ISLR2: variants seen among roughly 807,000 people sequenced by gnomAD.
The protein encoded by ISLR2 is immunoglobulin superfamily containing leucine-rich repeat protein 2.
A neutral mutation model predicts 25.5 loss-of-function variants in ISLR2; 16 were observed. The observed-to-expected ratio is 0.63, with a 90% CI of 0.43 to 0.95. The LOEUF is 0.95. ISLR2 is among the 40% of genes least tolerant of loss of function. ISLR2 has a pLI of 0.00. For synonymous variants in ISLR2, 508 were observed against 486.6 expected (o/e 1.04, Z -0.58); for missense variants, 883 against 1,030.7 (o/e 0.86, Z 1.96).
At chr15:74,125,536 A>G (rs993766778), upstream of ISLR2, among the ~76,000 whole-genome samples, 2 of 152,214 alleles carry the variant, frequency 1.3e-5, no homozygotes, top group Admixed American at 6.5e-5. Flanking sequence ...CATCTTGCTC[A>G]GCCATGTTCC....
chr15:74,131,547 T>C lies in ISLR2; in HGVS notation c.-9+231T>C, dbSNP rs576261728. Among the ~76,000 whole-genome samples the C allele has an allele frequency of 2.0e-5, 3 of 152,320 alleles. No homozygotes were observed. The South Asian group carries it at 6.2e-4, about 32-fold the overall frequency. On this transcript the variant is annotated intron_variant, in intron 2 of 2. Transcript: ENST00000453268. ...GCGCTCCAAATGGGGGCAGGGAGTC[T>C]GTGCAAGTTCGTTTGTGTGACCGGG...
In ISLR2 at chr15:74,103,428, C is replaced by T. The variant is rs1595934967; in HGVS notation, n.160-418C>T. Among the ~76,000 whole-genome samples, 4 of 146,522 alleles carry T rather than the reference C, an allele frequency of 2.7e-5. No homozygotes were observed. In the East Asian group the frequency reaches 8.0e-4, roughly 29 times the overall value. ...CACCAGCCTAGCCAACATGTCGAAC[C>T]CCATGTGTACTAAAAACAAAATCAA... is the stretch of plus-strand genomic sequence containing the variant. On this transcript the variant is annotated intron_variant and non_coding_transcript_variant, in intron 1 of 3. Transcript: ENST00000561975.
rs2072448455 is a variant in ISLR2, at chr15:74,132,666, C to T, written c.-8-81C>T. 1.3e-6 allele frequency: 2 copies of T among 1,500,182 alleles called. No individual in the cohort carries two copies. The highest frequency in any genetic ancestry group is 1.3e-5 in the South Asian group (1 of 75,934). 92.9% of individuals were successfully genotyped at this position (1,500,182 alleles called of 1,614,324 possible). A position where few individuals can be genotyped will look rare whatever the true frequency, so the allele number is the denominator to read the frequency against. ...CTGGAACTAGTGCTAAACGGGCTTG[C>T]GGAGGCACAGCTTGATAGGGGAGGT... On this transcript the variant is annotated intron_variant, in intron 2 of 2. Coordinates refer to ENST00000453268, the MANE Select transcript of ISLR2 (RefSeq NM_020851.3). The surrounding 1 kb of genome is among the most constrained non-coding windows in gnomAD (Gnocchi z 4.3).
chr15:74,114,028 G>A (rs946820360), intron 2 of ISLR2, among the ~76,000 whole-genome samples: 12 of 152,168 alleles, frequency 7.9e-5, no homozygotes, highest in African/African-American at 2.9e-4. Flanking sequence ...CATTTTAGCA[G>A]CCCTGAGCAG....
chr15:74,137,977 C>T (rs1004447558), downstream of ISLR2, among the ~76,000 whole-genome samples: 4 of 151,920 alleles, frequency 2.6e-5, no homozygotes, highest in African/African-American at 9.7e-5. Flanking sequence ...TAAAATAGAT[C>T]AGTTTTATTC....
At position 74,132,621 on chromosome 15, in the gene ISLR2, T is replaced by G; in HGVS notation, c.-8-126T>G. ...TTCACTTCAGAGAGGCTCCTGGCCA[T>G]AGAGGAGGTTACCGGAGCCCTGGAA... On this transcript the variant is annotated intron_variant, in intron 2 of 2. Coordinates refer to ENST00000453268, the MANE Select transcript of ISLR2 (RefSeq NM_020851.3). The surrounding 1 kb of genome is among the most constrained non-coding windows in gnomAD (Gnocchi z 4.3). 1 of 1,295,782 alleles carries G rather than the reference T, an allele frequency of 7.7e-7. No individual in the cohort carries two copies. Among genetic ancestry groups the G allele is most frequent in the Non-Finnish European group, 1.0e-6 (1 of 968,742 alleles). The allele number at this position is 1,295,782 out of a possible 1,614,324, so 80.3% of individuals were successfully genotyped here. A position where few individuals can be genotyped will look rare whatever the true frequency, so the allele number is the denominator to read the frequency against.
chr15:74,121,981 G>A (rs866042442), intron 2 of ISLR2, among the ~76,000 whole-genome samples: 3 of 152,176 alleles, frequency 2.0e-5, no homozygotes, highest in Non-Finnish European at 4.4e-5. Context: ...GTGGGGGTAC[G>A]GGGGACTAAC....
chr15:74,126,954 CTGT>C (rs2072306926), upstream of ISLR2: 48 of 62,140 alleles, frequency 7.7e-4, no homozygotes, highest in African/African-American at 3.0e-3. Context: ...GTGTGTGTGT[CTGT>C]GCGCGCAGAA....
At chr15:74,110,754 C>T (rs781304903) in intron 2 of ISLR2, among the ~76,000 whole-genome samples, 2 of 151,676 alleles carry the variant, frequency 1.3e-5, no homozygotes, top group Non-Finnish European at 2.9e-5. Context: ...GTCAGGAGTT[C>T]GAGACCAGCC....
intron 2 of ISLR2, among the ~76,000 whole-genome samples, chr15:74,108,418 C>T (rs1325506222): frequency 6.6e-6 from 1 of 152,066 alleles, no homozygotes; most frequent in East Asian, 1.9e-4. Context: ...ACCAGGATAC[C>T]CTGGGGGATT....
At chr15:74,128,745 G>A, upstream of ISLR2, 1 of 440,800 alleles carries the variant, frequency 2.3e-6, no homozygotes, top group South Asian at 1.6e-5. Flanking sequence ...ATGCCGGACC[G>A]GACTCAGCTC....
intron 2 of ISLR2, among the ~76,000 whole-genome samples, chr15:74,109,948 C>T (rs1161421146): frequency 6.6e-6 from 1 of 152,192 alleles, no homozygotes; most frequent in Non-Finnish European, 1.5e-5. Flanking sequence ...ACGCATGCCA[C>T]CACGCCCGGA....
At position 74,135,223 on chromosome 15, in the gene ISLR2, C is replaced by A; in HGVS notation, c.*231C>A. 2 of 593,050 alleles carry A rather than the reference C, an allele frequency of 3.4e-6. No homozygotes were observed. Among genetic ancestry groups the A allele is most frequent in the South Asian group, 4.1e-5 (2 of 48,232 alleles). The allele number at this position is 593,050 out of a possible 1,614,324, so 36.7% of individuals were successfully genotyped here. On this transcript the variant is annotated 3_prime_UTR_variant, in exon 3 of 3. Coordinates refer to ENST00000453268, the MANE Select transcript of ISLR2 (RefSeq NM_020851.3). ...CTGCGGGCTGAATCCCCTTCCCCGCCAAGCACAGTGTTTATCTTACCCCAT... is the reference window on the plus strand; with the variant it reads ...CTGCGGGCTGAATCCCCTTCCCCGCAAAGCACAGTGTTTATCTTACCCCAT...
At chr15:74,137,635 C>T (rs181119762), downstream of ISLR2, among the ~76,000 whole-genome samples, 35 of 152,342 alleles carry the variant, frequency 2.3e-4, no homozygotes, top group African/African-American at 7.9e-4. Context: ...TGCTGTGTGT[C>T]TCAGCTGAAT....
chr15:74,128,230 C>T (rs971760957), upstream of ISLR2: 4 of 321,580 alleles, frequency 1.2e-5, no homozygotes, highest in Admixed American at 1.4e-4. Context: ...CCCCAGGCCT[C>T]GGCGGACTCT....
chr15:74,138,601 G>C (rs2072593581), downstream of ISLR2: 2 of 152,386 alleles, frequency 1.3e-5, 1 homozygote, highest in African/African-American at 4.8e-5. Context: ...GTCCTACAAA[G>C]ATTCTTAGAA....
chr15:74,111,536 G>A (rs1372111591), intron 2 of ISLR2, among the ~76,000 whole-genome samples: 3 of 151,982 alleles, frequency 2.0e-5, no homozygotes, highest in South Asian at 4.2e-4. Context: ...TGATCCACCC[G>A]CCTCGGCCTC....
At chr15:74,131,523 C>G (rs1223274077) in intron 2 of ISLR2, among the ~76,000 whole-genome samples, 1 of 152,096 alleles carries the variant, frequency 6.6e-6, no homozygotes, top group Non-Finnish European at 1.5e-5. Flanking sequence ...ACCTGACAGG[C>G]GCTCCAAATG....
At chr15:74,108,986 C>G (rs1281474105) in intron 2 of ISLR2, among the ~76,000 whole-genome samples, 1 of 152,124 alleles carries the variant, frequency 6.6e-6, no homozygotes, top group Non-Finnish European at 1.5e-5. Context: ...AACAATAGGC[C>G]GTGGCTGGAT....
Sources: gnomAD v4.1 joint callset for allele counts (sites outside exome capture counted in the v4.1 genomes callset) on GRCh38, gnomAD v4.1.1 for gene constraint, Gnocchi (gnomAD v3.1) non-coding constraint, MANE v1.5 for transcripts, NCBI Gene and HGNC (gene_info 2026-07-23, HGNC 2026-07-21) for gene names.